CEP112: variants seen among roughly 807,000 people sequenced by gnomAD.
The protein encoded by CEP112 is centrosomal protein 112, also known as centrosomal protein of 112 kDa.
In CEP112, 127 loss-of-function variants were observed where a neutral mutation model predicts 153.0. The observed-to-expected ratio is 0.83, with a 90% confidence interval of 0.72 to 0.96. The LOEUF (loss-of-function observed/expected upper bound fraction) is 0.96, where lower values mean the gene tolerates loss of function less well. CEP112 is among the 40% of genes least tolerant of loss of function. CEP112 has a pLI of 0.00. For missense variants in CEP112, 1,089 were observed against 1,101.2 expected (o/e 0.99, Z 0.16); for synonymous variants, 358 against 374.4 (o/e 0.96, Z 0.51).
intron 16 of CEP112, among the ~76,000 whole-genome samples, chr17:66,010,005 T>C (rs780791144): frequency 6.6e-6 from 1 of 152,192 alleles, no homozygotes; most frequent in Non-Finnish European, 1.5e-5. Context: ...AAGAATGTCA[T>C]TAGTGGTTTG....
At chr17:65,718,112 T>G (rs1436724432) in intron 23 of CEP112, among the ~76,000 whole-genome samples, 1 of 152,128 alleles carries the variant, frequency 6.6e-6, no homozygotes, top group Non-Finnish European at 1.5e-5. Flanking sequence ...CAATCAAATA[T>G]TTACTATTTT....
At chr17:65,902,420 T>C (rs1411036724) in intron 19 of CEP112, 86 bp from the exon 20 acceptor site, 3 of 1,116,228 alleles carry the variant, frequency 2.7e-6, no homozygotes, top group East Asian at 5.5e-5. Flanking sequence ...TTTCTCTAAT[T>C]TGTCCAAGTT....
At chr17:65,660,774 T>C (rs1052748646) in intron 24 of CEP112, among the ~76,000 whole-genome samples, 1 of 151,884 alleles carries the variant, frequency 6.6e-6, no homozygotes, top group Non-Finnish European at 1.5e-5. Context: ...GGCTGGGCAA[T>C]CTACCTGCTT....
At position 65,678,530 on chromosome 17, in the gene CEP112, G is replaced by A. The variant is rs577292497; in HGVS notation, c.2697+10599C>T. On this transcript the variant is annotated intron_variant, in intron 24 of 26. Transcript: ENST00000535342. Reference sequence around the variant, plus strand: ...TCTTAAAAATTAAACGAAAAGACATGAGACTATACCACAACATTACTCCAT... The same window carrying A: ...TCTTAAAAATTAAACGAAAAGACATAAGACTATACCACAACATTACTCCAT... 3.3e-4 allele frequency among the ~76,000 whole-genome samples: 50 copies of A among 152,142 alleles called. 1 individual carries two copies. The highest frequency in any genetic ancestry group is 1.0e-4 in the Non-Finnish European group (7 of 68,020).
At chr17:65,640,551 C>T (rs960035083) in intron 25 of CEP112, among the ~76,000 whole-genome samples, 12 of 152,306 alleles carry the variant, frequency 7.9e-5, no homozygotes, top group Middle Eastern at 3.4e-3. Flanking sequence ...TTATCTCTAA[C>T]GACCATGTAA....
At chr17:65,906,869 T>C (rs1343178674) in intron 19 of CEP112, among the ~76,000 whole-genome samples, 1 of 152,228 alleles carries the variant, frequency 6.6e-6, no homozygotes, top group East Asian at 1.9e-4. Flanking sequence ...CTTGGACATG[T>C]TATTTCTACT....
intron 17 of CEP112, among the ~76,000 whole-genome samples, chr17:65,998,782 C>G (rs948364054): frequency 6.6e-6 from 1 of 152,086 alleles, no homozygotes; most frequent in Non-Finnish European, 1.5e-5. Flanking sequence ...TATTAATCAT[C>G]CTCATGTTAT....
Position 65,708,439 on chromosome 17 carries a change from A to C in CEP112, c.2608-19221T>G, listed in dbSNP as rs569015946. On this transcript the variant is annotated intron_variant, in intron 23 of 26. Coordinates refer to ENST00000535342, the MANE Select transcript of CEP112 (RefSeq NM_001199165.4). ...AGCATTAAGAGGGAAAAAGATTTCC[A>C]TAATTCCTGCACTCAGATATAACCA... 7.2e-5 allele frequency among the ~76,000 whole-genome samples: 11 copies of C among 152,362 alleles called. No homozygotes were observed. The South Asian group carries it at 1.0e-3, about 14-fold the overall frequency.
intron 16 of CEP112, among the ~76,000 whole-genome samples, chr17:66,007,738 G>T (rs1223067747): frequency 1.3e-5 from 2 of 152,094 alleles, no homozygotes; most frequent in Non-Finnish European, 2.9e-5. Flanking sequence ...AAAGGGTGGG[G>T]GAAGGACAAT....
chr17:65,719,417 A>G (rs894857436), intron 23 of CEP112, among the ~76,000 whole-genome samples: 5 of 152,184 alleles, frequency 3.3e-5, no homozygotes, highest in African/African-American at 9.6e-5. Context: ...TCTATTAAAA[A>G]TTAAAAATAC....
chr17:65,997,763 A>G (rs1169618934), intron 17 of CEP112, among the ~76,000 whole-genome samples: 1 of 140,692 alleles, frequency 7.1e-6, no homozygotes, highest in East Asian at 2.1e-4. Context: ...GATCCCTTTC[A>G]ATGCATTTAT....
intron 21 of CEP112, among the ~76,000 whole-genome samples, chr17:65,780,317 A>G (rs910671988): frequency 1.8e-4 from 27 of 152,262 alleles, no homozygotes; most frequent in Middle Eastern, 6.8e-3. Context: ...TAGTTAAAGA[A>G]TTAAGATCTA....
intron 23 of CEP112, among the ~76,000 whole-genome samples, chr17:65,716,381 G>A (rs117585841): frequency 5.3e-5 from 8 of 151,986 alleles, no homozygotes; most frequent in Non-Finnish European, 8.8e-5. Context: ...GTCTGGTCTC[G>A]AACGGCTGAC....
chr17:66,082,927 T>C (rs757485439), intron 8 of CEP112, among the ~76,000 whole-genome samples: 1 of 152,108 alleles, frequency 6.6e-6, no homozygotes, highest in Non-Finnish European at 1.5e-5. Context: ...ATTTTACTCA[T>C]GTTAACATCT....
intron 24 of CEP112, among the ~76,000 whole-genome samples, chr17:65,675,434 G>T (rs564902946): frequency 6.6e-6 from 1 of 152,212 alleles, no homozygotes; most frequent in African/African-American, 2.4e-5. Context: ...TCGAATGCCT[G>T]ACCTCAAGTG....
intron 10 of CEP112, among the ~76,000 whole-genome samples, chr17:66,063,929 C>G (rs996797600): frequency 2.0e-5 from 3 of 152,108 alleles, no homozygotes; most frequent in African/African-American, 7.2e-5. Context: ...GAATGCCCTT[C>G]CCTCCCTTAT....
At chr17:65,649,882 C>T (rs2045646414) in intron 24 of CEP112, among the ~76,000 whole-genome samples, 1 of 152,190 alleles carries the variant, frequency 6.6e-6, no homozygotes, top group South Asian at 2.1e-4. Context: ...ATCCAGAATA[C>T]ATTCAATACA....
chr17:66,058,045 A>T (rs2066767986), intron 11 of CEP112, among the ~76,000 whole-genome samples: 1 of 151,870 alleles, frequency 6.6e-6, no homozygotes, highest in South Asian at 2.1e-4. Context: ...GTGAGCTAAG[A>T]TTGCACCACT....
chr17:66,046,033 G>GT (rs35176244), intron 12 of CEP112, among the ~76,000 whole-genome samples: 42 of 150,664 alleles, frequency 2.8e-4, no homozygotes, highest in African/African-American at 7.3e-4. Flanking sequence ...ACGTTAAAAA[G>GT]TTTTTTTTTT....
Sources: gnomAD v4.1 joint callset for allele counts (sites outside exome capture counted in the v4.1 genomes callset) on GRCh38, gnomAD v4.1.1 for gene constraint, MANE v1.5 for transcripts, NCBI Gene and HGNC (gene_info 2026-07-23, HGNC 2026-07-21) for gene names.